Variants in CACHD1 observed in about 807,000 individuals in gnomAD.
CACHD1 encodes cache domain containing 1.
A neutral mutation model predicts 138.7 loss-of-function variants in CACHD1; 71 were observed. That is an observed-to-expected ratio of 0.51 (90% confidence interval 0.42 to 0.62). The LOEUF (loss-of-function observed/expected upper bound fraction) is 0.62. Ranked by LOEUF, CACHD1 falls within the 20% of genes least tolerant of loss-of-function variation. The probability of loss-of-function intolerance (pLI) is 0.00; values close to 1 mark genes in which losing one functional copy is unlikely to be tolerated. For missense variants in CACHD1, 1,389 were observed against 1,625.3 expected (o/e 0.85, Z 2.50); for synonymous variants, 578 against 591.5 (o/e 0.98, Z 0.33).
chr1:64,557,052 C>T (rs1225633369), intron 2 of CACHD1, among the ~76,000 whole-genome samples: 4 of 150,892 alleles, frequency 2.7e-5, no homozygotes, highest in African/African-American at 7.3e-5. Flanking sequence ...GCCCGGGAGG[C>T]GGAGCTTGCA....
chr1:64,511,714 C>T (rs1483168986), intron 1 of CACHD1, among the ~76,000 whole-genome samples: 1 of 152,150 alleles, frequency 6.6e-6, no homozygotes, highest in Non-Finnish European at 1.5e-5. Context: ...CCCAGGATTT[C>T]CTTTGGCTCC....
chr1:64,490,970 C>T (rs1405863648), intron 1 of CACHD1, among the ~76,000 whole-genome samples: 2 of 152,068 alleles, frequency 1.3e-5, no homozygotes, highest in South Asian at 2.1e-4. Flanking sequence ...GTGGGGTTCT[C>T]ATGTAAAAAT....
intron 13 of CACHD1, among the ~76,000 whole-genome samples, chr1:64,659,126 A>G (rs1227170263): frequency 6.6e-6 from 1 of 152,172 alleles, no homozygotes; most frequent in African/African-American, 2.4e-5. Flanking sequence ...GAAGTGAGAA[A>G]AACAGGACAA....
At chr1:64,683,978 TG>T (rs930524561) in intron 26 of CACHD1, among the ~76,000 whole-genome samples, 2 of 152,182 alleles carry the variant, frequency 1.3e-5, no homozygotes, top group African/African-American at 4.8e-5. Flanking sequence ...TCCTATTTGG[TG>T]GATGTATTGG....
Position 64,510,338 on chromosome 1 carries a change from A to G in CACHD1, c.198+39396A>G, listed in dbSNP as rs115790987. 1.1e-3 allele frequency among the ~76,000 whole-genome samples: 164 copies of G among 152,322 alleles called. 1 individual carries two copies. Among genetic ancestry groups the G allele is most frequent in the African/African-American group, 3.9e-3 (162 of 41,566 alleles). ...GCCAATGGGAGCTACAGGGGAAGGC[A>G]AGTGATCCTCTCTCCTGCCGTGGCA... is the stretch of plus-strand genomic sequence containing the variant. On this transcript the variant is annotated intron_variant, in intron 1 of 26. Coordinates refer to ENST00000651257, the MANE Select transcript of CACHD1 (RefSeq NM_020925.4).
chr1:64,511,187 G>C lies in CACHD1; in HGVS notation c.199-39407G>C, dbSNP rs115300432. Among the ~76,000 whole-genome samples the C allele has an allele frequency of 9.1e-3, 1,391 of 152,336 alleles. 25 individuals are homozygous for C. Among genetic ancestry groups the C allele is most frequent in the African/African-American group, 0.032 (1,328 of 41,570 alleles). ...GAAGGAGACTAATCGTACTTCTGCTGTAGAGCAGGCACTGTACTTTAATCT... is the reference window on the plus strand; with the variant it reads ...GAAGGAGACTAATCGTACTTCTGCTCTAGAGCAGGCACTGTACTTTAATCT... On this transcript the variant is annotated intron_variant, in intron 1 of 26. Transcript: ENST00000651257.
intron 3 of CACHD1, among the ~76,000 whole-genome samples, chr1:64,588,246 C>G (rs967490369): frequency 2.6e-5 from 4 of 152,094 alleles, no homozygotes; most frequent in Non-Finnish European, 4.4e-5. Flanking sequence ...TTAAAAATGT[C>G]CATTCTCATT....
chr1:64,679,505 C>T (rs1650098871), intron 23 of CACHD1, 90 bp from the exon 24 acceptor site: 1 of 1,427,702 alleles, frequency 7.0e-7, no homozygotes, highest in Non-Finnish European at 9.7e-7. Context: ...AACCCCCTTC[C>T]CACTGTATTC....
chr1:64,600,868 G>T (rs1299413711), intron 3 of CACHD1, among the ~76,000 whole-genome samples: 4 of 152,168 alleles, frequency 2.6e-5, no homozygotes, highest in African/African-American at 9.6e-5. Flanking sequence ...GAACCTTCTA[G>T]CCTTCCATTT....
chr1:64,612,445 T>C (rs146573970), intron 4 of CACHD1, among the ~76,000 whole-genome samples: 210 of 152,292 alleles, frequency 1.4e-3, no homozygotes, highest in African/African-American at 5.0e-3. Context: ...TTAATGTTGG[T>C]GGTTACTTAT....
intron 1 of CACHD1, among the ~76,000 whole-genome samples, chr1:64,492,383 C>CT (rs2100300527): frequency 7.0e-6 from 1 of 143,304 alleles, no homozygotes; most frequent in East Asian, 2.1e-4. Flanking sequence ...TTGGGTCCCC[C>CT]TATTGTTTTC....
intron 5 of CACHD1, among the ~76,000 whole-genome samples, chr1:64,629,786 G>T (rs1053403141): frequency 2.0e-5 from 3 of 152,120 alleles, no homozygotes; most frequent in Non-Finnish European, 4.4e-5. Context: ...TTGTTGAAAT[G>T]TAAATGATGG....
At chr1:64,600,274 A>G (rs1647199646) in intron 3 of CACHD1, among the ~76,000 whole-genome samples, 2 of 152,190 alleles carry the variant, frequency 1.3e-5, no homozygotes, top group South Asian at 2.1e-4. Flanking sequence ...ACTTTGCTTT[A>G]TTTCTAAAAG....
At chr1:64,503,324 G>GA (rs1646350394) in intron 1 of CACHD1, among the ~76,000 whole-genome samples, 1 of 152,178 alleles carries the variant, frequency 6.6e-6, no homozygotes, top group East Asian at 1.9e-4. Flanking sequence ...TAGTTAAGGG[G>GA]AAAAATCTAA....
intron 1 of CACHD1, chr1:64,505,915 C>G (rs1478824058): frequency 2.9e-5 from 1 of 34,944 alleles, no homozygotes; most frequent in African/African-American, 5.2e-5. Flanking sequence ...GCTTGTCTCT[C>G]CCCTCGCTGT....
intron 12 of CACHD1, 28 bp downstream of exon 12, chr1:64,654,831 G>T (rs1649212792): frequency 6.6e-7 from 1 of 1,516,910 alleles, no homozygotes; most frequent in Admixed American, 1.7e-5. Flanking sequence ...GTGTTTGCTT[G>T]AAGAGCTACA....
intron 1 of CACHD1, among the ~76,000 whole-genome samples, chr1:64,538,511 G>A (rs1013280734): frequency 6.6e-6 from 1 of 152,126 alleles, no homozygotes; most frequent in African/African-American, 2.4e-5. Flanking sequence ...AGAAATTTTA[G>A]GTTCACAGTA....
At chr1:64,604,111 C>A (rs752552370) in intron 4 of CACHD1, among the ~76,000 whole-genome samples, 3 of 152,148 alleles carry the variant, frequency 2.0e-5, no homozygotes, top group Admixed American at 6.5e-5. Context: ...CCCAGTAGGT[C>A]TCAGTTTGGG....
intron 1 of CACHD1, among the ~76,000 whole-genome samples, chr1:64,502,558 G>A (rs1241209698): frequency 2.0e-5 from 3 of 151,846 alleles, no homozygotes; most frequent in Non-Finnish European, 2.9e-5. Context: ...ATGCATCTAT[G>A]TGTGTGTGTG....
Sources: gnomAD v4.1 joint callset for allele counts (sites outside exome capture counted in the v4.1 genomes callset) on GRCh38, gnomAD v4.1.1 for gene constraint, MANE v1.5 for transcripts, NCBI Gene and HGNC (gene_info 2026-07-23, HGNC 2026-07-21) for gene names.